The following C8orf34 variants were observed in gnomAD, a reference collection of about 807,000 sequenced individuals.
The protein encoded by C8orf34 is chromosome 8 open reading frame 34, also known as uncharacterized protein C8orf34.
In C8orf34, 65 loss-of-function variants were observed where a neutral mutation model predicts 68.3. That is an observed-to-expected ratio of 0.95 (90% CI 0.78 to 1.17). C8orf34 has a LOEUF of 1.17. Ranked by LOEUF, C8orf34 falls within the 50% of genes most tolerant of loss-of-function variation. The pLI is 0.00. For missense variants in C8orf34, 664 were observed against 655.4 expected (o/e 1.01, Z -0.14); for synonymous variants, 244 against 241.2 (o/e 1.01, Z -0.11).
At chr8:68,395,357 TCTCTCACA>T (rs1180047380) in intron 1 of C8orf34, among the ~76,000 whole-genome samples, 1,753 of 137,888 alleles carry the variant, frequency 0.013, 12 homozygotes, top group Middle Eastern at 0.022. Flanking sequence ...TCTCTGTGTG[TCTCTCACA>T]CACACACACA....
chr8:68,361,551 G>A (rs1806999672), intron 1 of C8orf34, among the ~76,000 whole-genome samples: 1 of 152,168 alleles, frequency 6.6e-6, no homozygotes, highest in Non-Finnish European at 1.5e-5. Flanking sequence ...GAAAATTCAT[G>A]TTTTGCCTGT....
At chr8:68,688,317 A>T (rs1820583261) in intron 8 of C8orf34, among the ~76,000 whole-genome samples, 1 of 152,080 alleles carries the variant, frequency 6.6e-6, no homozygotes, top group African/African-American at 2.4e-5. Flanking sequence ...CGTTTATTGC[A>T]GCACAATTCG....
intron 10 of C8orf34, among the ~76,000 whole-genome samples, chr8:68,741,747 T>C (rs1822300995): frequency 6.6e-6 from 1 of 152,200 alleles, no homozygotes; most frequent in African/African-American, 2.4e-5. Flanking sequence ...GCCTGGCTTA[T>C]TTTACTCAAC....
intron 10 of C8orf34, among the ~76,000 whole-genome samples, chr8:68,744,407 A>G (rs1309341671): frequency 1.3e-5 from 2 of 152,250 alleles, no homozygotes; most frequent in Non-Finnish European, 2.9e-5. Flanking sequence ...GAGCTGAGAG[A>G]AGAAGGCTTC....
chr8:68,404,767 G>A (rs1355381166), intron 1 of C8orf34, among the ~76,000 whole-genome samples: 1 of 152,142 alleles, frequency 6.6e-6, no homozygotes, highest in African/African-American at 2.4e-5. Flanking sequence ...TGCTGTTTTG[G>A]TTACTGTAGG....
Position 68,570,966 on chromosome 8 carries a change from C to T in C8orf34, c.1105+37817C>T, listed in dbSNP as rs55710557. Reference sequence around the variant, plus strand: ...ACACTTGGAGTAAGAGGAGTGTCCTCTATTAAAGAAAATGGAATAGGCACT... The same window carrying T: ...ACACTTGGAGTAAGAGGAGTGTCCTTTATTAAAGAAAATGGAATAGGCACT... On this transcript the variant is annotated intron_variant, in intron 7 of 13. Coordinates refer to ENST00000518698, the MANE Select transcript of C8orf34 (RefSeq NM_052958.4). Among the ~76,000 whole-genome samples, 548 of 152,286 alleles carry T rather than the reference C, an allele frequency of 3.6e-3. 5 individuals are homozygous for T. The highest frequency in any genetic ancestry group is 0.013 in the African/African-American group (520 of 41,564).
In C8orf34 at chr8:68,439,491, G is replaced by A; in HGVS notation, c.328-8G>A. 1 of 1,611,720 alleles carries A rather than the reference G, an allele frequency of 6.2e-7. No individual in the cohort carries two copies. The highest frequency in any genetic ancestry group is 8.5e-7 in the Non-Finnish European group (1 of 1,178,998). On this transcript the variant is annotated splice_region_variant and splice_polypyrimidine_tract_variant and intron_variant, in intron 1 of 13. Transcript: ENST00000518698. Reference sequence around the variant, plus strand: ...TAATTATAATTGTGTGCTCTATTCTGCCTTCAGGAATTAATGACCAAGTTA... The same window carrying A: ...TAATTATAATTGTGTGCTCTATTCTACCTTCAGGAATTAATGACCAAGTTA...
intron 5 of C8orf34, among the ~76,000 whole-genome samples, chr8:68,498,404 G>T (rs1210644320): frequency 1.3e-5 from 2 of 152,184 alleles, no homozygotes; most frequent in Non-Finnish European, 2.9e-5. Flanking sequence ...AATGAAACAA[G>T]TGAGCACAAC....
In C8orf34 at chr8:68,709,078, C is replaced by T. The variant is rs201463505; in HGVS notation, c.1326C>T (p.Phe442=). The T allele has an allele frequency of 3.7e-5, 59 of 1,608,314 alleles. No homozygotes were observed. Among genetic ancestry groups the T allele is most frequent in the East Asian group, 1.8e-4 (8 of 44,668 alleles). ...CAGATGAAAAAATCCCAGATTCATT[C>T]GGTAAGTTTTAAGTCCAACAATATT... ...HSPDEKIPDS[F]DSLPGTEEAL... The change falls in exon 9 of 14, where the codon TTC becomes TTT. Residue 442 remains phenylalanine (F), a splice_region_variant and synonymous_variant. Coordinates refer to ENST00000518698, the MANE Select transcript of C8orf34 (RefSeq NM_052958.4).
At chr8:68,605,424 C>A (rs1817825581) in intron 7 of C8orf34, among the ~76,000 whole-genome samples, 2 of 152,096 alleles carry the variant, frequency 1.3e-5, no homozygotes, top group African/African-American at 4.8e-5. Flanking sequence ...TTTATAGCAG[C>A]TTTATTCATA....
intron 1 of C8orf34, among the ~76,000 whole-genome samples, chr8:68,342,216 T>G (rs926469960): frequency 5.9e-5 from 9 of 152,200 alleles, no homozygotes; most frequent in African/African-American, 2.2e-4. Context: ...AAGTTATAGA[T>G]GTAAATTTTA....
intron 7 of C8orf34, among the ~76,000 whole-genome samples, chr8:68,549,997 G>A (rs1816011356): frequency 6.6e-6 from 1 of 151,694 alleles, no homozygotes; most frequent in African/African-American, 2.4e-5. Context: ...TATATTTAAA[G>A]AGAGTTTCTT....
chr8:68,782,795 C>G (rs1448622092), intron 11 of C8orf34, among the ~76,000 whole-genome samples: 3 of 151,940 alleles, frequency 2.0e-5, no homozygotes, highest in Non-Finnish European at 4.4e-5. Context: ...TGGTGGCTCA[C>G]GCCTGTAATC....
chr8:68,354,605 G>GTGGA (rs1238792653), intron 1 of C8orf34, among the ~76,000 whole-genome samples: 2 of 152,124 alleles, frequency 1.3e-5, no homozygotes, highest in African/African-American at 4.8e-5. Context: ...CCAGAGTTTA[G>GTGGA]TGGATGGATA....
intron 12 of C8orf34, among the ~76,000 whole-genome samples, chr8:68,788,905 C>G (rs1823916919): frequency 6.6e-6 from 1 of 151,872 alleles, no homozygotes; most frequent in Admixed American, 6.6e-5. Context: ...GTAGAATGTA[C>G]TTTAAGCAAG....
chr8:68,724,175 G>A (rs1821761131), intron 10 of C8orf34, among the ~76,000 whole-genome samples: 1 of 152,044 alleles, frequency 6.6e-6, no homozygotes, highest in Admixed American at 6.5e-5. Context: ...TTTAGATATA[G>A]AGTTTCTAAA....
At chr8:68,685,229 A>G (rs1040307718) in intron 8 of C8orf34, among the ~76,000 whole-genome samples, 5 of 152,084 alleles carry the variant, frequency 3.3e-5, no homozygotes, top group Admixed American at 2.0e-4. Flanking sequence ...CCTCTTCATT[A>G]TCTCTTTAGA....
intron 1 of C8orf34, among the ~76,000 whole-genome samples, chr8:68,394,463 C>T (rs1288927877): frequency 6.6e-6 from 1 of 151,666 alleles, no homozygotes; most frequent in African/African-American, 2.4e-5. Context: ...GTATATGTGC[C>T]ACATTTTCTT....
intron 8 of C8orf34, among the ~76,000 whole-genome samples, chr8:68,658,309 T>G (rs1819568365): frequency 7.1e-6 from 1 of 140,768 alleles, no homozygotes; most frequent in South Asian, 2.5e-4. Flanking sequence ...CCCCTTTGAA[T>G]AATGACTGAG....
Sources: gnomAD v4.1 joint callset for allele counts (sites outside exome capture counted in the v4.1 genomes callset) on GRCh38, gnomAD v4.1.1 for gene constraint, MANE v1.5 for transcripts, NCBI Gene and HGNC (gene_info 2026-07-23, HGNC 2026-07-21) for gene names.